Variants in RAB38 observed in about 807,000 individuals in gnomAD.
RAB38 encodes ras-related protein Rab-38.
Under a neutral mutation model 18.4 loss-of-function variants are expected in RAB38, and 15 were observed. The ratio of observed to expected loss-of-function variants is 0.82; its 90% CI spans 0.55 to 1.26. The LOEUF is 1.26. Ranked by LOEUF, RAB38 falls within the 50% of genes most tolerant of loss-of-function variation. The pLI, the probability that RAB38 is intolerant of heterozygous loss-of-function variation, is 0.00. For missense variants in RAB38, 294 were observed against 267.4 expected, an observed-to-expected ratio of 1.10 and a Z score of -0.69; for synonymous variants, 101 against 104.4, an observed-to-expected ratio of 0.97 and a Z score of 0.20.
chr11:88,045,611 C>T, the RAB38 span, among the ~76,000 whole-genome samples: 1 of 152,318 alleles, frequency 6.6e-6, no homozygotes, highest in African/African-American at 2.4e-5. Context: ...GGAACTCTGG[C>T]CCAAGGCTCT....
At chr11:88,045,433 C>T in the RAB38 span, among the ~76,000 whole-genome samples, 1 of 152,210 alleles carries the variant, frequency 6.6e-6, no homozygotes, top group African/African-American at 2.4e-5. Flanking sequence ...GCCAGGCATT[C>T]CTCCAGGCCT....
At chr11:87,846,534 G>GA in the RAB38 span, among the ~76,000 whole-genome samples, 3 of 152,052 alleles carry the variant, frequency 2.0e-5, no homozygotes, top group Middle Eastern at 6.8e-3. Flanking sequence ...AATTCATTAG[G>GA]AAAAGCTTTG....
chr11:87,897,518 T>C, the RAB38 span, among the ~76,000 whole-genome samples: 1 of 151,618 alleles, frequency 6.6e-6, no homozygotes, highest in African/African-American at 2.4e-5. Context: ...TAAATTTCTT[T>C]CGTAGATTTG....
At chr11:88,049,786 G>T in the RAB38 span, among the ~76,000 whole-genome samples, 5 of 152,142 alleles carry the variant, frequency 3.3e-5, no homozygotes, top group Admixed American at 6.5e-5. Context: ...CAAGTGAAAG[G>T]GATATTTTAG....
At position 88,155,266 on chromosome 11, in the gene RAB38, T is replaced by C. The variant is rs1943111254; in HGVS notation, c.203-5311A>G. 2.0e-5 allele frequency among the ~76,000 whole-genome samples: 3 copies of C among 152,182 alleles called. No homozygotes were observed. In the South Asian group the frequency reaches 6.2e-4, roughly 31 times the overall value. ...CTCAGACCACTGTGCGTTCCAAGAA[T>C]CAGCCCATTGCCTGAGGCAACAGAG... On this transcript the variant is annotated intron_variant, in intron 1 of 2. Transcript: ENST00000243662.
downstream of RAB38, among the ~76,000 whole-genome samples, chr11:88,112,414 C>T (rs1404059495): frequency 2.0e-5 from 3 of 152,098 alleles, no homozygotes; most frequent in Non-Finnish European, 4.4e-5. Flanking sequence ...GAGTAGAAGG[C>T]CTCTTTTTCT....
the RAB38 span, among the ~76,000 whole-genome samples, chr11:88,104,689 A>C: frequency 6.6e-6 from 1 of 152,020 alleles, no homozygotes; most frequent in Admixed American, 6.6e-5. Flanking sequence ...ATTCATGATG[A>C]TTTTTCAGTG....
At chr11:88,049,562 C>T in the RAB38 span, among the ~76,000 whole-genome samples, 1 of 152,294 alleles carries the variant, frequency 6.6e-6, no homozygotes, top group East Asian at 1.9e-4. Context: ...CCCGCCTGCA[C>T]CCAGGTGAAA....
the RAB38 span, among the ~76,000 whole-genome samples, chr11:88,010,614 A>T: frequency 6.6e-6 from 1 of 152,176 alleles, no homozygotes; most frequent in Non-Finnish European, 1.5e-5. Flanking sequence ...AGAATCATGG[A>T]GTAAGCAAAG....
At chr11:87,965,611 G>GTATTAT in the RAB38 span, among the ~76,000 whole-genome samples, 1 of 152,102 alleles carries the variant, frequency 6.6e-6, no homozygotes, top group Admixed American at 6.6e-5. Context: ...TTTTTACCAA[G>GTATTAT]AAGTATTATA....
chr11:87,821,350 A>G, the RAB38 span, among the ~76,000 whole-genome samples: 1 of 152,228 alleles, frequency 6.6e-6, no homozygotes, highest in Non-Finnish European at 1.5e-5. Flanking sequence ...CTAGAATTCT[A>G]CACTCATTAG....
chr11:87,903,601 T>G, the RAB38 span, among the ~76,000 whole-genome samples: 1 of 151,580 alleles, frequency 6.6e-6, no homozygotes, highest in East Asian at 1.9e-4. Flanking sequence ...TTTCTTCATC[T>G]TGCATTTTCT....
At chr11:87,924,576 T>G in the RAB38 span, among the ~76,000 whole-genome samples, 1 of 152,022 alleles carries the variant, frequency 6.6e-6, no homozygotes, top group South Asian at 2.1e-4. Flanking sequence ...AGACCCTCAC[T>G]CTACTTCACC....
chr11:88,107,642 ATTTT>A, the RAB38 span, among the ~76,000 whole-genome samples: 1 of 151,076 alleles, frequency 6.6e-6, no homozygotes. Context: ...GATCTTAGTT[ATTTT>A]TTGTCTTCTG....
the RAB38 span, among the ~76,000 whole-genome samples, chr11:88,063,014 T>G: frequency 6.6e-6 from 1 of 152,230 alleles, no homozygotes; most frequent in African/African-American, 2.4e-5. Context: ...TTTAAGACTT[T>G]GAGTGAAAAA....
the RAB38 span, among the ~76,000 whole-genome samples, chr11:87,938,171 A>G: frequency 6.6e-6 from 1 of 150,946 alleles, no homozygotes; most frequent in Non-Finnish European, 1.5e-5. Context: ...TGAGATGGGG[A>G]CTCCCTGTTA....
chr11:87,976,572 T>C, the RAB38 span, among the ~76,000 whole-genome samples: 1 of 82,834 alleles, frequency 1.2e-5, no homozygotes, highest in Non-Finnish European at 2.3e-5. Context: ...AACTATACAA[T>C]AAATATATAT....
chr11:88,089,750 A>T, the RAB38 span, among the ~76,000 whole-genome samples: 4 of 151,978 alleles, frequency 2.6e-5, no homozygotes, highest in Admixed American at 1.3e-4. Context: ...TACAAAGTCA[A>T]ATCACACATA....
the RAB38 span, among the ~76,000 whole-genome samples, chr11:87,898,548 T>C: frequency 6.6e-6 from 1 of 151,724 alleles, no homozygotes; most frequent in Non-Finnish European, 1.5e-5. Flanking sequence ...CATCATTGTA[T>C]TCTCAGTGCT....
Sources: allele counts gnomAD v4.1 joint callset (sites outside exome capture counted in the v4.1 genomes callset), GRCh38; gene constraint gnomAD v4.1.1; transcripts MANE v1.5; gene names NCBI Gene and HGNC (gene_info 2026-07-23, HGNC 2026-07-21).